The following SORCS1 variants were observed in gnomAD, a reference collection of about 807,000 sequenced individuals.
The protein encoded by SORCS1 is sortilin related VPS10 domain containing receptor 1, also known as VPS10 domain-containing receptor SorCS1.
SORCS1 carries 60 observed loss-of-function variants against 146.1 expected under a neutral mutation model. The observed-to-expected ratio is 0.41, with a 90% CI of 0.33 to 0.51. The LOEUF is 0.51. Ranked by LOEUF, SORCS1 falls within the 20% of genes least tolerant of loss-of-function variation. The pLI is 0.21. For missense variants in SORCS1, 1,352 were observed against 1,487.6 expected (o/e 0.91, Z 1.50); for synonymous variants, 637 against 584.0 (o/e 1.09, Z -1.31).
intron 19 of SORCS1, among the ~76,000 whole-genome samples, chr10:106,627,601 C>A (rs970944995): frequency 6.6e-6 from 1 of 152,088 alleles, no homozygotes; most frequent in African/African-American, 2.4e-5. Flanking sequence ...GGTGTTATGT[C>A]TTAGTAAGTG....
chr10:107,145,775 A>C (rs1191175506), intron 1 of SORCS1, among the ~76,000 whole-genome samples: 1 of 152,236 alleles, frequency 6.6e-6, no homozygotes, highest in Non-Finnish European at 1.5e-5. Flanking sequence ...ATCTAACTAA[A>C]ACAGTTTCTG....
intron 1 of SORCS1, among the ~76,000 whole-genome samples, chr10:107,026,534 C>T (rs754076135): frequency 1.3e-5 from 2 of 151,396 alleles, no homozygotes; most frequent in East Asian, 2.0e-4. Context: ...AGGAGAATGG[C>T]GTGAACCCAG....
intron 18 of SORCS1, among the ~76,000 whole-genome samples, chr10:106,640,268 C>T (rs1308323429): frequency 6.6e-6 from 1 of 152,144 alleles, no homozygotes; most frequent in Non-Finnish European, 1.5e-5. Flanking sequence ...TTAGTGCTCC[C>T]ATAAGTCTTT....
chr10:106,637,464 C>A (rs1589533701), intron 18 of SORCS1, among the ~76,000 whole-genome samples: 1 of 152,182 alleles, frequency 6.6e-6, no homozygotes. Context: ...TCTCCCCTTG[C>A]CTATTCAAAG....
chr10:106,955,973 C>CA (rs1403602299), intron 2 of SORCS1, among the ~76,000 whole-genome samples: 19 of 151,862 alleles, frequency 1.3e-4, no homozygotes, highest in Admixed American at 1.2e-3. Flanking sequence ...ATCAAAAATA[C>CA]AAAAAAATTA....
chr10:106,896,721 T>G (rs1040073681), intron 2 of SORCS1, among the ~76,000 whole-genome samples: 1 of 151,152 alleles, frequency 6.6e-6, no homozygotes, highest in African/African-American at 2.4e-5. Flanking sequence ...CCCTGGAAAC[T>G]TTCCCCAACT....
At chr10:107,081,672 A>T (rs111912269) in intron 1 of SORCS1, among the ~76,000 whole-genome samples, 26 of 152,348 alleles carry the variant, frequency 1.7e-4, no homozygotes, top group African/African-American at 6.0e-4. Flanking sequence ...TAAATATACA[A>T]AGACACAAAG....
intron 1 of SORCS1, among the ~76,000 whole-genome samples, chr10:107,154,493 C>A (rs1038753401): frequency 6.6e-6 from 1 of 151,272 alleles, no homozygotes; most frequent in East Asian, 1.9e-4. Flanking sequence ...CACACAGGTA[C>A]AAAGTTATAG....
intron 10 of SORCS1, among the ~76,000 whole-genome samples, chr10:106,687,442 CT>C (rs973611089): frequency 1.3e-5 from 2 of 152,056 alleles, no homozygotes; most frequent in African/African-American, 2.4e-5. Flanking sequence ...AAATATCAGG[CT>C]TTTTTTGTGA....
chr10:106,601,066 C>A (rs1190597159), intron 23 of SORCS1, among the ~76,000 whole-genome samples: 1 of 152,102 alleles, frequency 6.6e-6, no homozygotes, highest in African/African-American at 2.4e-5. Flanking sequence ...TCACCAGTTG[C>A]ATAATTGGGT....
intron 1 of SORCS1, among the ~76,000 whole-genome samples, chr10:107,007,668 A>T (rs2139693547): frequency 6.6e-6 from 1 of 152,372 alleles, no homozygotes; most frequent in Admixed American, 6.5e-5. Context: ...AGAAATAGGT[A>T]AGTAGAACAT....
intron 1 of SORCS1, among the ~76,000 whole-genome samples, chr10:106,997,725 G>A (rs1472386947): frequency 6.6e-6 from 1 of 152,096 alleles, no homozygotes; most frequent in Non-Finnish European, 1.5e-5. Flanking sequence ...AGTATAACCT[G>A]GCCATTTTGC....
chr10:106,932,943 G>A (rs550896845), intron 2 of SORCS1, among the ~76,000 whole-genome samples: 1 of 152,262 alleles, frequency 6.6e-6, no homozygotes, highest in African/African-American at 2.4e-5. Context: ...AAGCATATCA[G>A]TGATCTCTGT....
intron 7 of SORCS1, among the ~76,000 whole-genome samples, chr10:106,708,998 A>C (rs768720319): frequency 6.6e-6 from 1 of 152,152 alleles, no homozygotes; most frequent in African/African-American, 2.4e-5. Context: ...GATCCTCTGG[A>C]CACAGCCCAA....
At chr10:106,731,244 G>A (rs1328430092) in intron 5 of SORCS1, among the ~76,000 whole-genome samples, 5 of 130,048 alleles carry the variant, frequency 3.8e-5, no homozygotes, top group African/African-American at 1.2e-4. Flanking sequence ...AGTGAGCCGA[G>A]ATCGCACCAC....
Position 106,730,232 on chromosome 10 carries a change from C to T in SORCS1, c.960-118G>A, listed in dbSNP as rs547119297. The stretch of plus-strand genomic sequence containing the variant: ...TCCACAGGCATCTAAACCCACAATC[C>T]TTAGAATATATCTACTCTATGTATT... On this transcript the variant is annotated intron_variant, in intron 5 of 25. Transcript: ENST00000263054. The T allele has an allele frequency of 1.4e-5, 11 of 813,734 alleles. No homozygotes were observed. In the African/African-American group the frequency reaches 1.4e-4, roughly 10 times the overall value. 50.4% of individuals were successfully genotyped at this position (813,734 alleles called of 1,614,324 possible).
chr10:106,796,616 G>C (rs1946568721), intron 3 of SORCS1, among the ~76,000 whole-genome samples: 1 of 152,112 alleles, frequency 6.6e-6, no homozygotes. Context: ...TCTTTTCCTG[G>C]GAAAGAGTGA....
Position 107,128,693 on chromosome 10 carries a change from A to T in SORCS1, c.558+35276T>A, listed in dbSNP as rs374880695. ...CTTAAGGAACATTTTCCTAGCTGGG[A>T]CTTCATTAATCCTAATACCCCTTTA... On this transcript the variant is annotated intron_variant, in intron 1 of 25. Transcript: ENST00000263054. Among the ~76,000 whole-genome samples, 87 of 152,286 alleles carry T rather than the reference A, an allele frequency of 5.7e-4. No homozygotes were observed. The South Asian group carries it at 6.4e-3, about 11-fold the overall frequency.
chr10:106,706,241 T>C (rs1229246725), intron 8 of SORCS1, among the ~76,000 whole-genome samples: 1 of 107,854 alleles, frequency 9.3e-6, no homozygotes, highest in Non-Finnish European at 2.0e-5. Context: ...GAAAGTAAGA[T>C]GAAAGAAAGA....
Sources: gnomAD v4.1 joint callset for allele counts (sites outside exome capture counted in the v4.1 genomes callset) on GRCh38, gnomAD v4.1.1 for gene constraint, MANE v1.5 for transcripts, NCBI Gene and HGNC (gene_info 2026-07-23, HGNC 2026-07-21) for gene names.